GALNTL6: variants seen among roughly 807,000 people sequenced by gnomAD.
GALNTL6 encodes polypeptide N-acetylgalactosaminyltransferase like 6.
In GALNTL6, 46 loss-of-function variants were observed where a neutral mutation model predicts 73.7. The observed-to-expected ratio is 0.62, with a 90% confidence interval of 0.49 to 0.80. The LOEUF (loss-of-function observed/expected upper bound fraction) is 0.80, where lower values mean the gene tolerates loss of function less well. Ranked by LOEUF, GALNTL6 falls within the 30% of genes least tolerant of loss-of-function variation. GALNTL6 has a pLI of 0.00. For missense variants in GALNTL6, 604 were observed against 755.0 expected, an observed-to-expected ratio of 0.80 and a Z score of 2.34; for synonymous variants, 259 against 263.7, an observed-to-expected ratio of 0.98 and a Z score of 0.17.
Position 172,260,309 on chromosome 4 carries a change from A to G in GALNTL6, c.247+30545A>G, listed in dbSNP as rs1738215314. Among the ~76,000 whole-genome samples the G allele has an allele frequency of 2.0e-5, 3 of 151,610 alleles. No individual in the cohort carries two copies. In the South Asian group the frequency reaches 6.2e-4, roughly 31 times the overall value. ...GTAGTTTTCTGTGTAGAGATCTTTC[A>G]CTTCCTTGGTTAGGTATATTCCTAA... On this transcript the variant is annotated intron_variant, in intron 3 of 12. Transcript: ENST00000506823.
chr4:172,336,155 T>A (rs1270814778), intron 4 of GALNTL6, among the ~76,000 whole-genome samples: 1 of 152,106 alleles, frequency 6.6e-6, no homozygotes, highest in Non-Finnish European at 1.5e-5. Flanking sequence ...CTCTATTTTT[T>A]ATTTCAAAGA....
intron 2 of GALNTL6, among the ~76,000 whole-genome samples, chr4:172,039,555 T>C (rs1354978010): frequency 2.0e-5 from 3 of 151,740 alleles, no homozygotes; most frequent in African/African-American, 7.3e-5. Context: ...CAGGAATGAG[T>C]TATGGAGAGA....
At chr4:171,994,327 G>A (rs1740424267) in intron 2 of GALNTL6, among the ~76,000 whole-genome samples, 1 of 152,040 alleles carries the variant, frequency 6.6e-6, no homozygotes, top group Non-Finnish European at 1.5e-5. Flanking sequence ...AATGACATGA[G>A]TCAGGTCAAG....
At chr4:171,827,853 C>A (rs6553592) in intron 2 of GALNTL6, among the ~76,000 whole-genome samples, 103,302 of 151,912 alleles carry the variant, frequency 0.68, 37,012 homozygotes, top group East Asian at 0.83. Flanking sequence ...GTACACTTAC[C>A]TGTGGATTTT....
intron 2 of GALNTL6, among the ~76,000 whole-genome samples, chr4:171,921,919 A>G (rs1737799794): frequency 6.6e-6 from 1 of 152,096 alleles, no homozygotes; most frequent in Non-Finnish European, 1.5e-5. Flanking sequence ...AATAAAATAT[A>G]TATTATGTTA....
chr4:172,058,279 T>A (rs1001473354), intron 2 of GALNTL6, among the ~76,000 whole-genome samples: 2 of 152,100 alleles, frequency 1.3e-5, no homozygotes, highest in Non-Finnish European at 2.9e-5. Context: ...TTAAAAGTAT[T>A]TTTTCTAGTC....
At chr4:171,918,511 C>T (rs1056731349) in intron 2 of GALNTL6, among the ~76,000 whole-genome samples, 2 of 151,992 alleles carry the variant, frequency 1.3e-5, no homozygotes, top group East Asian at 1.9e-4. Flanking sequence ...ATCTTTCTCC[C>T]GGAATATTTA....
At chr4:172,454,883 G>A (rs557966272) in intron 5 of GALNTL6, among the ~76,000 whole-genome samples, 9 of 152,302 alleles carry the variant, frequency 5.9e-5, no homozygotes, top group South Asian at 2.1e-4. Flanking sequence ...TTTTCATCAT[G>A]CAGGCATTTT....
intron 7 of GALNTL6, among the ~76,000 whole-genome samples, chr4:172,843,272 G>A (rs1047655075): frequency 2.0e-5 from 3 of 152,146 alleles, no homozygotes; most frequent in Non-Finnish European, 4.4e-5. Context: ...CCTCCCACTC[G>A]CTTTACTTCT....
chr4:172,008,214 G>T (rs926205915), intron 2 of GALNTL6, among the ~76,000 whole-genome samples: 2 of 152,102 alleles, frequency 1.3e-5, no homozygotes, highest in African/African-American at 4.8e-5. Context: ...ATTTTCTAAT[G>T]CAACCTAAAC....
intron 7 of GALNTL6, among the ~76,000 whole-genome samples, chr4:172,861,932 G>A (rs1458456566): frequency 6.6e-6 from 1 of 152,180 alleles, no homozygotes; most frequent in East Asian, 1.9e-4. Flanking sequence ...TTAGCAGTGT[G>A]AGAACAGACT....
At chr4:172,355,863 C>T (rs1355230747) in intron 5 of GALNTL6, among the ~76,000 whole-genome samples, 2 of 152,086 alleles carry the variant, frequency 1.3e-5, no homozygotes, top group African/African-American at 4.8e-5. Context: ...TTTTGTAGGA[C>T]ATTAATGGTT....
chr4:171,915,302 A>G (rs1191442973), intron 2 of GALNTL6, among the ~76,000 whole-genome samples: 1 of 152,150 alleles, frequency 6.6e-6, no homozygotes, highest in Admixed American at 6.6e-5. Flanking sequence ...GCATGGATGT[A>G]TACATATTGT....
chr4:172,052,322 T>C, intron 2 of GALNTL6: 1 of 636,276 alleles, frequency 1.6e-6, no homozygotes, highest in African/African-American at 1.8e-5. Context: ...AGCTCGGGTA[T>C]ATTGTGAGCT....
At chr4:172,733,844 A>G (rs1229888137) in intron 5 of GALNTL6, among the ~76,000 whole-genome samples, 2 of 152,186 alleles carry the variant, frequency 1.3e-5, no homozygotes, top group African/African-American at 4.8e-5. Context: ...AATACAGTAA[A>G]TTGGTACCAG....
intron 2 of GALNTL6, among the ~76,000 whole-genome samples, chr4:172,138,041 G>C (rs568824980): frequency 6.6e-6 from 1 of 152,208 alleles, no homozygotes; most frequent in Admixed American, 6.5e-5. Flanking sequence ...TCCTGATAAA[G>C]TTGATTACAT....
chr4:172,784,128 T>A (rs1739523321), intron 5 of GALNTL6, among the ~76,000 whole-genome samples: 1 of 152,106 alleles, frequency 6.6e-6, no homozygotes, highest in Admixed American at 6.6e-5. Context: ...ATAACATAGA[T>A]TAATTTTAAG....
At chr4:171,834,051 T>G (rs1384607650) in intron 2 of GALNTL6, among the ~76,000 whole-genome samples, 1 of 151,878 alleles carries the variant, frequency 6.6e-6, no homozygotes, top group East Asian at 1.9e-4. Flanking sequence ...CACTTACTTA[T>G]TAAAAAAACA....
chr4:172,118,009 T>G lies in GALNTL6; in HGVS notation c.139-111647T>G, dbSNP rs72990375. Among the ~76,000 whole-genome samples the G allele has an allele frequency of 1.4e-3, 215 of 152,216 alleles. 2 individuals are homozygous for G. The highest frequency in any genetic ancestry group is 4.9e-3 in the African/African-American group (204 of 41,544). ...GGGTTATGGGTTATCTGGGTGTATC[T>G]GTTTTTCAAAACTGTAAAGCTAACC... On this transcript the variant is annotated intron_variant, in intron 2 of 12. Transcript: ENST00000506823.
Sources: allele counts gnomAD v4.1 joint callset (sites outside exome capture counted in the v4.1 genomes callset), GRCh38; gene constraint gnomAD v4.1.1; transcripts MANE v1.5; gene names NCBI Gene and HGNC (gene_info 2026-07-23, HGNC 2026-07-21).